Variants in NFIA observed in about 807,000 individuals in gnomAD.
NFIA encodes the protein nuclear factor 1 A-type.
NFIA carries 8 observed loss-of-function variants against 62.8 expected under a neutral mutation model. The ratio of observed to expected loss-of-function variants is 0.13; its 90% confidence interval spans 0.07 to 0.23. The LOEUF is 0.23. Among genes scored for constraint, NFIA ranks in the 10% least tolerant of loss-of-function variants. The probability of loss-of-function intolerance (pLI) is 1.00; values close to 1 mark genes in which losing one functional copy is unlikely to be tolerated. For synonymous variants in NFIA, 235 were observed against 238.1 expected (o/e 0.99, Z 0.12); for missense variants, 410 against 642.1 (o/e 0.64, Z 3.91).
intron 2 of NFIA, among the ~76,000 whole-genome samples, chr1:61,188,501 G>A (rs1651369303): frequency 6.6e-6 from 1 of 152,094 alleles, no homozygotes; most frequent in Non-Finnish European, 1.5e-5. Context: ...TTTACTCTTG[G>A]ATCTTAAAAG....
intron 6 of NFIA, among the ~76,000 whole-genome samples, chr1:61,380,081 C>A (rs555461003): frequency 1.3e-5 from 2 of 152,208 alleles, no homozygotes; most frequent in Admixed American, 6.5e-5. Context: ...ATTGAAAATT[C>A]AAAAATTCTG....
chr1:61,285,875 C>G (rs1052988883), intron 3 of NFIA, among the ~76,000 whole-genome samples: 10 of 152,138 alleles, frequency 6.6e-5, no homozygotes, highest in African/African-American at 2.2e-4. Context: ...AACAATCTTT[C>G]CACGAAGGAA....
rs751786754 is a variant in NFIA, at chr1:61,383,413, T to C, written c.1075+48T>C. 3.7e-6 allele frequency: 6 copies of C among 1,602,944 alleles called. No homozygotes were observed. In the South Asian group the frequency reaches 5.5e-5, roughly 15 times the overall value. On this transcript the variant is annotated intron_variant, in intron 7 of 10. Transcript: ENST00000403491. The stretch of plus-strand genomic sequence containing the variant: ...TTGGTTGTGCTTATATCATGGCCTT[T>C]GGACCCAAGTAGCAAAATGAGAAAC...
chr1:61,390,832 C>T (rs1021342894), intron 7 of NFIA, among the ~76,000 whole-genome samples: 7 of 151,988 alleles, frequency 4.6e-5, no homozygotes, highest in African/African-American at 1.5e-4. Flanking sequence ...GCCTTGTGCC[C>T]GGCATAAGGA....
intron 1 of NFIA, among the ~76,000 whole-genome samples, chr1:61,085,976 C>T (rs889613646): frequency 6.6e-6 from 1 of 152,094 alleles, no homozygotes; most frequent in Non-Finnish European, 1.5e-5. Flanking sequence ...TCTACAGACA[C>T]TTAAAATGCC....
At chr1:61,301,717 G>A (rs1570542026) in intron 3 of NFIA, among the ~76,000 whole-genome samples, 3 of 152,294 alleles carry the variant, frequency 2.0e-5, no homozygotes, top group African/African-American at 7.2e-5. Flanking sequence ...GGTTTAGAAT[G>A]CAGAGCCTTT....
chr1:61,263,356 G>T (rs552563375), intron 2 of NFIA, among the ~76,000 whole-genome samples: 1 of 152,218 alleles, frequency 6.6e-6, no homozygotes, highest in South Asian at 2.1e-4. Flanking sequence ...ATGCTGCCAG[G>T]GTTTAAACAT....
intron 4 of NFIA, among the ~76,000 whole-genome samples, chr1:61,348,226 A>G (rs1006413478): frequency 6.6e-6 from 1 of 152,166 alleles, no homozygotes; most frequent in Non-Finnish European, 1.5e-5. Flanking sequence ...TCAGAATCCA[A>G]CCCAATAAGC....
intron 3 of NFIA, among the ~76,000 whole-genome samples, chr1:61,320,430 A>G (rs1029482875): frequency 3.3e-5 from 5 of 152,208 alleles, no homozygotes; most frequent in Non-Finnish European, 7.3e-5. Context: ...TTACACAAAA[A>G]ATGACTTTTG....
At chr1:61,361,251 G>A (rs960745213) in intron 6 of NFIA, among the ~76,000 whole-genome samples, 1 of 152,122 alleles carries the variant, frequency 6.6e-6, no homozygotes, top group African/African-American at 2.4e-5. Flanking sequence ...CTAAGAAATA[G>A]TCCCAGCCCT....
intron 3 of NFIA, among the ~76,000 whole-genome samples, chr1:61,296,777 C>T (rs1659211740): frequency 6.6e-6 from 1 of 152,118 alleles, no homozygotes. Flanking sequence ...TAATAAGTTT[C>T]ATAGAAAGAA....
intron 2 of NFIA, among the ~76,000 whole-genome samples, chr1:61,096,338 C>T (rs113720032): frequency 0.06 from 9,077 of 150,776 alleles, 375 homozygotes; most frequent in African/African-American, 0.11. Flanking sequence ...CTCAGCCTCC[C>T]GAATAGCTGT....
rs1664518563 is a variant in NFIA, at chr1:61,383,360, C to T, written c.1070C>T (p.Pro357Leu). 1 of 1,613,820 alleles carries T rather than the reference C, an allele frequency of 6.2e-7. No individual in the cohort carries two copies. The highest frequency in any genetic ancestry group is 8.5e-7 in the Non-Finnish European group (1 of 1,179,852). ...CATCACCGACCTGTCATTACAGGAC[C>T]CAGAGGTGAGCTGCTCCACAGGCAC... ...TQHHRPVITGPRASPHATPST... is the reference protein window; with the variant it reads ...TQHHRPVITGLRASPHATPST... Residue 357 changes from proline to leucine, a missense_variant, in exon 7 of 11, where the codon CCC (proline) becomes CTC (leucine). Pro to Leu is a moderately conservative substitution (Grantham distance 98). Coordinates refer to ENST00000403491, the MANE Select transcript of NFIA (RefSeq NM_001134673.4).
In NFIA at chr1:61,458,999, C is replaced by T. The variant is rs1297845556; in HGVS notation, c.*3679C>T. ...ACATTTTTGTTCATGTTTCATTGTC[C>T]AGAAAGCAGCAGGAAACTATTCAGT... On this transcript the variant is annotated 3_prime_UTR_variant, in exon 11 of 11. Transcript: ENST00000403491. 1 of 152,036 alleles carries T rather than the reference C, an allele frequency of 6.6e-6. No homozygotes were observed. The highest frequency in any genetic ancestry group is 2.4e-5 in the African/African-American group (1 of 41,374). The allele number at this position is 152,036 out of a possible 1,614,324, so 9.4% of individuals were successfully genotyped here.
chr1:61,279,966 AAG>A (rs749344186), intron 3 of NFIA, among the ~76,000 whole-genome samples: 82 of 152,354 alleles, frequency 5.4e-4, no homozygotes, highest in Middle Eastern at 6.8e-3. Context: ...AGTTCAAAGA[AAG>A]AAAGTATTAA....
intron 2 of NFIA, among the ~76,000 whole-genome samples, chr1:61,128,765 A>G (rs1376415930): frequency 6.6e-6 from 1 of 152,096 alleles, no homozygotes; most frequent in African/African-American, 2.4e-5. Flanking sequence ...ACATATGTTA[A>G]GAAGAGAATT....
At chr1:61,402,204 A>AT (rs1233122092) in intron 7 of NFIA, among the ~76,000 whole-genome samples, 4 of 150,964 alleles carry the variant, frequency 2.6e-5, no homozygotes, top group Admixed American at 2.6e-4. Context: ...CACCTGGCTA[A>AT]TTTTTTTGTA....
At chr1:61,272,302 C>G (rs905109392) in intron 2 of NFIA, among the ~76,000 whole-genome samples, 1 of 152,122 alleles carries the variant, frequency 6.6e-6, no homozygotes, top group African/African-American at 2.4e-5. Context: ...ATATTTTCTT[C>G]ACACGTCAGT....
At chr1:61,401,879 A>C (rs1024827804) in intron 7 of NFIA, among the ~76,000 whole-genome samples, 2 of 152,108 alleles carry the variant, frequency 1.3e-5, no homozygotes, top group African/African-American at 4.8e-5. Flanking sequence ...GGATGAAAAA[A>C]TTCCTTTGAT....
Sources: gnomAD v4.1 joint callset for allele counts (sites outside exome capture counted in the v4.1 genomes callset) on GRCh38, gnomAD v4.1.1 for gene constraint, MANE v1.5 for transcripts, NCBI Gene and HGNC (gene_info 2026-07-23, HGNC 2026-07-21) for gene names.